The following MGRN1 variants were observed in gnomAD, a reference collection of about 807,000 sequenced individuals.
MGRN1 encodes E3 ubiquitin-protein ligase MGRN1.
In MGRN1, 29 loss-of-function variants were observed where a neutral mutation model predicts 69.2. The ratio of observed to expected loss-of-function variants is 0.42; its 90% CI spans 0.31 to 0.57. The LOEUF is 0.57. Among genes scored for constraint, MGRN1 ranks in the 20% least tolerant of loss-of-function variants. The probability of loss-of-function intolerance (pLI) is 0.15; values close to 1 mark genes in which losing one functional copy is unlikely to be tolerated. For synonymous variants in MGRN1, 470 were observed against 344.2 expected, an observed-to-expected ratio of 1.37 and a Z score of -4.04; for missense variants, 998 against 796.2, an observed-to-expected ratio of 1.25 and a Z score of -3.05.
intron 1 of MGRN1, among the ~76,000 whole-genome samples, chr16:4,629,550 C>G (rs1052950218): frequency 1.3e-5 from 2 of 151,918 alleles, no homozygotes; most frequent in African/African-American, 2.4e-5. Flanking sequence ...ACCATCCTGG[C>G]CAACATGGTG....
At chr16:4,688,096 G>A (rs753567290) in intron 16 of MGRN1, 4 of 985,446 alleles carry the variant, frequency 4.1e-6, no homozygotes, top group African/African-American at 1.7e-5. Context: ...GAAAATAGAC[G>A]CCCTTCACCG....
In MGRN1 at chr16:4,652,024, T is replaced by C. The variant is rs975521917; in HGVS notation, c.269T>C (p.Ile90Thr). Residue 90 changes from isoleucine to threonine, a missense_variant, in exon 3 of 17, where the codon ATC becomes ACC. By Grantham distance (89) the Ile-to-Thr change is moderately conservative. Coordinates refer to ENST00000262370, the MANE Select transcript of MGRN1 (RefSeq NM_015246.4). ...AAGACGCTGCGGAGCCTGGTGAACATCCGCAAAGACTCCCTGCGGCTGGTG... is the reference window on the plus strand; with the variant it reads ...AAGACGCTGCGGAGCCTGGTGAACACCCGCAAAGACTCCCTGCGGCTGGTG... ...PVKTLRSLVN[I>T]RKDSLRLVRY... 1.9e-6 allele frequency: 3 copies of C among 1,613,922 alleles called. No individual in the cohort carries two copies. The Admixed American group carries it at 5.0e-5, about 27-fold the overall frequency.
chr16:4,628,705 C>G lies in MGRN1; in HGVS notation c.88+3657C>G, dbSNP rs557685740. On this transcript the variant is annotated intron_variant, in intron 1 of 16. Transcript: ENST00000262370. ...GATTACAGGTGCGCACCACCACGCC[C>G]GGCTAATTTTTAAATTTTTGGTACA... Among the ~76,000 whole-genome samples the G allele has an allele frequency of 4.4e-3, 666 of 152,130 alleles. 4 individuals are homozygous for G. The highest frequency in any genetic ancestry group is 7.2e-3 in the Non-Finnish European group (487 of 68,002).
At chr16:4,645,130 T>G (rs1312402863) in intron 1 of MGRN1, among the ~76,000 whole-genome samples, 5 of 113,248 alleles carry the variant, frequency 4.4e-5, no homozygotes, top group East Asian at 5.0e-4. Context: ...CATATATATA[T>G]AGAGTGAGAG....
chr16:4,670,746 G>T (rs1311721658), intron 8 of MGRN1, among the ~76,000 whole-genome samples: 1 of 143,976 alleles, frequency 6.9e-6, no homozygotes, highest in Non-Finnish European at 1.5e-5. Flanking sequence ...AGCAGGTCCA[G>T]GTCCCTGCAG....
intron 16 of MGRN1, among the ~76,000 whole-genome samples, chr16:4,685,729 A>G (rs1232207971): frequency 6.6e-6 from 1 of 152,164 alleles, no homozygotes; most frequent in African/African-American, 2.4e-5. Flanking sequence ...TTTTCACATC[A>G]CAGAGCCCTT....
chr16:4,660,371 A>T (rs2078649596), intron 5 of MGRN1, among the ~76,000 whole-genome samples: 1 of 152,242 alleles, frequency 6.6e-6, no homozygotes, highest in African/African-American at 2.4e-5. Flanking sequence ...CCCGTCTGCC[A>T]GCCGGGGAGT....
chr16:4,679,102 C>T (rs911343978), intron 11 of MGRN1, among the ~76,000 whole-genome samples: 2 of 152,226 alleles, frequency 1.3e-5, no homozygotes, highest in African/African-American at 4.8e-5. Context: ...CCACGCTCTC[C>T]AGCACTTTTG....
At chr16:4,670,160 G>A (rs2141942857) in intron 8 of MGRN1, among the ~76,000 whole-genome samples, 1 of 151,178 alleles carries the variant, frequency 6.6e-6, no homozygotes, top group South Asian at 2.1e-4. Flanking sequence ...TGTCTCCCAG[G>A]TTCAAGTGAT....
chr16:4,625,583 G>T (rs1280636824), intron 1 of MGRN1, among the ~76,000 whole-genome samples: 1 of 152,194 alleles, frequency 6.6e-6, no homozygotes, highest in Non-Finnish European at 1.5e-5. Flanking sequence ...TAGTTGATCG[G>T]GAGGGGCCAG....
chr16:4,686,147 G>A, intron 16 of MGRN1: 1 of 1,285,878 alleles, frequency 7.8e-7, no homozygotes, highest in South Asian at 1.4e-5. Context: ...CAGAGTGTTT[G>A]TTTCTAGACG....
chr16:4,643,424 T>G (rs1385115217), intron 1 of MGRN1, among the ~76,000 whole-genome samples: 1 of 144,490 alleles, frequency 6.9e-6, no homozygotes, highest in Non-Finnish European at 1.5e-5. Flanking sequence ...TTTTTTTTTT[T>G]CTGAGACAGA....
chr16:4,685,644 G>A (rs2079295410), intron 16 of MGRN1, among the ~76,000 whole-genome samples: 2 of 152,370 alleles, frequency 1.3e-5, no homozygotes, highest in African/African-American at 2.4e-5. Flanking sequence ...CGCCATCTCC[G>A]TGGCTGTCAG....
intron 16 of MGRN1, chr16:4,686,254 C>A: frequency 6.5e-7 from 1 of 1,543,316 alleles, no homozygotes; most frequent in South Asian, 1.2e-5. Flanking sequence ...CCCCTCTCCG[C>A]GCAGCCCTGG....
intron 1 of MGRN1, among the ~76,000 whole-genome samples, chr16:4,648,791 C>T (rs1439629771): frequency 1.6e-5 from 2 of 127,468 alleles, no homozygotes; most frequent in South Asian, 2.7e-4. Context: ...CGTGGTCACC[C>T]GGGTCCTCCT....
chr16:4,641,473 T>C (rs1293962075), intron 1 of MGRN1, among the ~76,000 whole-genome samples: 1 of 147,916 alleles, frequency 6.8e-6, no homozygotes, highest in East Asian at 1.9e-4. Flanking sequence ...CTCAGCCTCT[T>C]GAGTGGCTGG....
At chr16:4,638,215 C>G (rs955517795) in intron 1 of MGRN1, among the ~76,000 whole-genome samples, 3 of 152,012 alleles carry the variant, frequency 2.0e-5, no homozygotes, top group African/African-American at 7.2e-5. Context: ...CCCTGTAATC[C>G]CAGCACTTTG....
At chr16:4,652,933 G>A (rs61267637) in intron 4 of MGRN1, 109 bp downstream of exon 4, 24 of 1,357,944 alleles carry the variant, frequency 1.8e-5, no homozygotes, top group East Asian at 1.3e-4. Flanking sequence ...CGTGCTCTTT[G>A]ACCATACTCC....
intron 1 of MGRN1, among the ~76,000 whole-genome samples, chr16:4,635,759 C>T (rs570197733): frequency 4.6e-5 from 7 of 151,220 alleles, no homozygotes; most frequent in Admixed American, 1.3e-4. Flanking sequence ...CAAAGCCTCC[C>T]GAGTAGCTGG....
Sources: gnomAD v4.1 joint callset for allele counts (sites outside exome capture counted in the v4.1 genomes callset) on GRCh38, gnomAD v4.1.1 for gene constraint, MANE v1.5 for transcripts, NCBI Gene and HGNC (gene_info 2026-07-23, HGNC 2026-07-21) for gene names.